Variants in HMGCLL1 observed in about 807,000 individuals in gnomAD.
HMGCLL1 encodes the protein 3-hydroxy-3-methylglutaryl-CoA lyase like 1.
HMGCLL1 carries 36 observed loss-of-function variants against 39.1 expected under a neutral mutation model. The observed-to-expected ratio is 0.92, with a 90% CI of 0.71 to 1.22. The LOEUF is 1.22. HMGCLL1 is among the 50% of genes most tolerant of loss of function. HMGCLL1 has a pLI of 0.00. For synonymous variants in HMGCLL1, 149 were observed against 144.0 expected (o/e 1.03, Z -0.25); for missense variants, 451 against 416.5 (o/e 1.08, Z -0.72).
chr6:55,542,110 A>T lies in HMGCLL1; in HGVS notation c.139T>A (p.Phe47Ile). 1 of 1,610,864 alleles carries T rather than the reference A, an allele frequency of 6.2e-7. No homozygotes were observed. The highest frequency in any genetic ancestry group is 8.5e-7 in the Non-Finnish European group (1 of 1,177,858). Residue 47 changes from phenylalanine (F) to isoleucine (I), a missense_variant, in exon 2 of 9, where the codon TTT becomes ATT. Coordinates refer to ENST00000274901, the MANE Select transcript of HMGCLL1 (RefSeq NM_001042406.2). ...GGCCCAACTTCTACTATTTTAACAA[A>T]CTCAGGGAGTCCAGATAACTGGGAT... ...ETSQLSGLPE[F>I]VKIVEVGPRD...
chr6:55,548,222 T>C (rs909172482), intron 1 of HMGCLL1, among the ~76,000 whole-genome samples: 2 of 152,070 alleles, frequency 1.3e-5, no homozygotes, highest in African/African-American at 4.8e-5. Flanking sequence ...AGAATTGTGC[T>C]ACACTTTGTT....
chr6:55,461,199 C>A (rs56154562), intron 7 of HMGCLL1, among the ~76,000 whole-genome samples: 2 of 151,526 alleles, frequency 1.3e-5, no homozygotes, highest in African/African-American at 4.8e-5. Flanking sequence ...TAATCTAGAC[C>A]GTCATCTAAG....
At chr6:55,618,457 T>C in the HMGCLL1 span, among the ~76,000 whole-genome samples, 3 of 152,114 alleles carry the variant, frequency 2.0e-5, no homozygotes, top group Middle Eastern at 3.4e-3. Context: ...AGAATGTATT[T>C]GGATATGAAT....
chr6:55,635,565 G>T, the HMGCLL1 span, among the ~76,000 whole-genome samples: 1 of 152,148 alleles, frequency 6.6e-6, no homozygotes, highest in Non-Finnish European at 1.5e-5. Flanking sequence ...TATACTGTCT[G>T]TCCAAGGTGC....
chr6:55,588,887 C>T, the HMGCLL1 span, among the ~76,000 whole-genome samples: 1 of 152,152 alleles, frequency 6.6e-6, no homozygotes, highest in African/African-American at 2.4e-5. Context: ...AGACCAATAA[C>T]AGGCTCTCAA....
At chr6:55,475,802 T>C (rs1272508908) in intron 7 of HMGCLL1, among the ~76,000 whole-genome samples, 1 of 151,644 alleles carries the variant, frequency 6.6e-6, no homozygotes, top group Non-Finnish European at 1.5e-5. Context: ...GATTTTTTTT[T>C]CTGTATGAAT....
At chr6:55,515,274 G>T (rs190463291) in intron 4 of HMGCLL1, among the ~76,000 whole-genome samples, 1 of 151,214 alleles carries the variant, frequency 6.6e-6, no homozygotes. Context: ...AAAAATACAT[G>T]GGGGGAGAAA....
chr6:55,499,684 A>AGATC (rs1766774559), intron 5 of HMGCLL1, among the ~76,000 whole-genome samples: 1 of 152,054 alleles, frequency 6.6e-6, no homozygotes. Context: ...ACATACAAGG[A>AGATC]GATCATGTAG....
chr6:55,468,852 T>C (rs1418690184), intron 7 of HMGCLL1, among the ~76,000 whole-genome samples: 1 of 151,938 alleles, frequency 6.6e-6, no homozygotes, highest in African/African-American at 2.4e-5. Flanking sequence ...AATCATGAGT[T>C]GATTTATCAG....
At chr6:55,667,104 T>C in the HMGCLL1 span, among the ~76,000 whole-genome samples, 2 of 151,690 alleles carry the variant, frequency 1.3e-5, no homozygotes, top group Non-Finnish European at 2.9e-5. Flanking sequence ...ATATTCCAGA[T>C]TCTAATTACC....
chr6:55,437,842 G>T (rs766159798), intron 8 of HMGCLL1, among the ~76,000 whole-genome samples: 5 of 152,004 alleles, frequency 3.3e-5, no homozygotes, highest in Non-Finnish European at 7.4e-5. Flanking sequence ...CATCAATGTA[G>T]TCATAGCAGA....
intron 1 of HMGCLL1, among the ~76,000 whole-genome samples, chr6:55,549,286 T>C (rs1770177184): frequency 6.6e-6 from 1 of 151,790 alleles, no homozygotes; most frequent in Non-Finnish European, 1.5e-5. Context: ...CAAAATTTGT[T>C]TGATCTCACA....
the HMGCLL1 span, among the ~76,000 whole-genome samples, chr6:55,607,917 A>G: frequency 3.3e-5 from 5 of 152,204 alleles, no homozygotes; most frequent in African/African-American, 2.4e-5. Flanking sequence ...TGACACATCT[A>G]TAAGATGAAA....
At chr6:55,461,559 T>C (rs1201947345) in intron 7 of HMGCLL1, among the ~76,000 whole-genome samples, 2 of 152,090 alleles carry the variant, frequency 1.3e-5, no homozygotes, top group African/African-American at 2.4e-5. Flanking sequence ...AACTAACTTA[T>C]TTTTCAAGTT....
At chr6:55,584,459 T>C in the HMGCLL1 span, among the ~76,000 whole-genome samples, 1 of 152,122 alleles carries the variant, frequency 6.6e-6, no homozygotes, top group Non-Finnish European at 1.5e-5. Context: ...ATCTCTTCTC[T>C]GTATAAAATG....
chr6:55,648,356 A>C, the HMGCLL1 span, among the ~76,000 whole-genome samples: 1 of 147,676 alleles, frequency 6.8e-6, no homozygotes, highest in Non-Finnish European at 1.5e-5. Context: ...GGCAAGAAAT[A>C]ACTAAAATCA....
At chr6:55,542,794 C>A (rs4520017) in intron 1 of HMGCLL1, among the ~76,000 whole-genome samples, 90,535 of 138,334 alleles carry the variant, frequency 0.65, 29,690 homozygotes, top group Admixed American at 0.72. Flanking sequence ...ATATATATAC[C>A]TATATTTATA....
At chr6:55,569,734 G>A (rs1273617748) in intron 1 of HMGCLL1, among the ~76,000 whole-genome samples, 2 of 152,108 alleles carry the variant, frequency 1.3e-5, no homozygotes, top group African/African-American at 4.8e-5. Flanking sequence ...AATAATATAT[G>A]TGACTTGATT....
chr6:55,666,185 T>TA, the HMGCLL1 span, among the ~76,000 whole-genome samples: 1 of 151,736 alleles, frequency 6.6e-6, no homozygotes, highest in African/African-American at 2.4e-5. Flanking sequence ...AATTGTATGC[T>TA]AAAAAAGTAA....
Sources: allele counts gnomAD v4.1 joint callset (sites outside exome capture counted in the v4.1 genomes callset), GRCh38; gene constraint gnomAD v4.1.1; transcripts MANE v1.5; gene names NCBI Gene and HGNC (gene_info 2026-07-23, HGNC 2026-07-21).